Variants in KCNK13 observed in about 807,000 individuals in gnomAD.
KCNK13 encodes the protein potassium channel subfamily K member 13.
Under a neutral mutation model 23.4 loss-of-function variants are expected in KCNK13, and 12 were observed. The observed-to-expected ratio is 0.51, with a 90% confidence interval of 0.33 to 0.83. The LOEUF is 0.83. Among genes scored for constraint, KCNK13 ranks in the 40% least tolerant of loss-of-function variants. The pLI, the probability that KCNK13 is intolerant of heterozygous loss-of-function variation, is 0.02. For missense variants in KCNK13, 463 were observed against 556.3 expected (o/e 0.83, Z 1.69); for synonymous variants, 231 against 229.5 (o/e 1.01, Z -0.06).
chr14:90,169,286 A>T (rs544678693), intron 1 of KCNK13, among the ~76,000 whole-genome samples: 6 of 152,282 alleles, frequency 3.9e-5, no homozygotes, highest in African/African-American at 1.4e-4. Flanking sequence ...TCTGCAGGTG[A>T]CTCAGAAGAG....
chr14:90,171,387 T>C (rs1316183977), intron 1 of KCNK13, among the ~76,000 whole-genome samples: 2 of 152,266 alleles, frequency 1.3e-5, no homozygotes, highest in Non-Finnish European at 2.9e-5. Context: ...TATCCTTACC[T>C]TGATTTTCAT....
At chr14:90,131,621 A>G (rs1013535237) in intron 1 of KCNK13, among the ~76,000 whole-genome samples, 1 of 152,038 alleles carries the variant, frequency 6.6e-6, no homozygotes, top group African/African-American at 2.4e-5. Flanking sequence ...TTGACCTCCT[A>G]GGCTCAGATG....
chr14:90,101,071 G>A (rs1426469447), intron 1 of KCNK13, among the ~76,000 whole-genome samples: 3 of 152,120 alleles, frequency 2.0e-5, no homozygotes, highest in African/African-American at 4.8e-5. Context: ...ATGGAATTAT[G>A]TCATTCGAGG....
At position 90,091,973 on chromosome 14, in the gene KCNK13, C is replaced by T. The variant is rs184460201; in HGVS notation, c.334+29434C>T. 4.6e-3 allele frequency among the ~76,000 whole-genome samples: 691 copies of T among 148,988 alleles called. 1 individual carries two copies. The highest frequency in any genetic ancestry group is 0.016 in the African/African-American group (651 of 40,140). ...ACAGAGTCTCACTCTGTCCCCCAGG[C>T]TGGAGTGCAGCGATCTCAGCTCACT... On this transcript the variant is annotated intron_variant, in intron 1 of 1. Transcript: ENST00000282146.
intron 1 of KCNK13, among the ~76,000 whole-genome samples, chr14:90,123,259 A>T (rs1889759762): frequency 6.6e-6 from 1 of 152,134 alleles, no homozygotes. Flanking sequence ...TTGTTTTCCT[A>T]CAGTTCTGAA....
chr14:90,150,931 A>G (rs1370463526), intron 1 of KCNK13, among the ~76,000 whole-genome samples: 1 of 152,026 alleles, frequency 6.6e-6, no homozygotes, highest in African/African-American at 2.4e-5. Flanking sequence ...GTGAGCCAAG[A>G]TTGCGCCACT....
intron 1 of KCNK13, among the ~76,000 whole-genome samples, chr14:90,128,317 A>AAAC (rs1030765213): frequency 2.0e-5 from 3 of 152,192 alleles, no homozygotes; most frequent in Non-Finnish European, 2.9e-5. Context: ...TGTTTAAAAC[A>AAAC]AACAAACAAA....
intron 1 of KCNK13, among the ~76,000 whole-genome samples, chr14:90,080,159 A>G (rs928427396): frequency 2.0e-5 from 3 of 152,200 alleles, no homozygotes; most frequent in Non-Finnish European, 4.4e-5. Context: ...GAGACATTCA[A>G]TAAACAATTG....
intron 1 of KCNK13, among the ~76,000 whole-genome samples, chr14:90,066,611 T>C (rs950735323): frequency 2.0e-5 from 3 of 152,174 alleles, no homozygotes; most frequent in African/African-American, 7.2e-5. Context: ...GGATTATATG[T>C]AGGAGACATT....
intron 1 of KCNK13, among the ~76,000 whole-genome samples, chr14:90,124,809 G>A (rs1889777676): frequency 6.6e-6 from 1 of 152,232 alleles, no homozygotes; most frequent in Admixed American, 6.5e-5. Flanking sequence ...ATTTGTTGCA[G>A]CAGCAATAGA....
chr14:90,083,495 C>T (rs917816695), intron 1 of KCNK13, among the ~76,000 whole-genome samples: 21 of 152,122 alleles, frequency 1.4e-4, no homozygotes, highest in African/African-American at 5.1e-4. Context: ...TTGTTTCCTC[C>T]ACAACTCACA....
intron 1 of KCNK13, among the ~76,000 whole-genome samples, chr14:90,118,193 G>T (rs1344048874): frequency 6.6e-6 from 1 of 152,138 alleles, no homozygotes; most frequent in Non-Finnish European, 1.5e-5. Context: ...TACCCATCAT[G>T]CTTCTACATA....
intron 1 of KCNK13, among the ~76,000 whole-genome samples, chr14:90,073,577 C>T (rs1218778826): frequency 3.9e-5 from 6 of 152,190 alleles, no homozygotes; most frequent in Non-Finnish European, 8.8e-5. Context: ...CTGTGGTTTT[C>T]GAACTGTGCT....
At chr14:90,102,944 C>T (rs1566951944) in intron 1 of KCNK13, among the ~76,000 whole-genome samples, 1 of 152,174 alleles carries the variant, frequency 6.6e-6, no homozygotes, top group South Asian at 2.1e-4. Flanking sequence ...CATCCCTGCT[C>T]TAGTAGTCTG....
At chr14:90,105,687 G>C (rs1257416114) in intron 1 of KCNK13, among the ~76,000 whole-genome samples, 1 of 151,946 alleles carries the variant, frequency 6.6e-6, no homozygotes, top group Non-Finnish European at 1.5e-5. Context: ...TTTCTTGAAG[G>C]CCCTTGAATC....
intron 1 of KCNK13, among the ~76,000 whole-genome samples, chr14:90,099,226 A>C (rs1244678854): frequency 6.6e-6 from 1 of 152,196 alleles, no homozygotes; most frequent in Admixed American, 6.5e-5. Flanking sequence ...CTGCTTTCTC[A>C]GTCAGTCGAG....
intron 1 of KCNK13, among the ~76,000 whole-genome samples, chr14:90,173,579 C>T (rs1327382250): frequency 6.6e-6 from 1 of 152,110 alleles, no homozygotes; most frequent in Non-Finnish European, 1.5e-5. Context: ...CAGATATCCA[C>T]ACCAGGGTTT....
At chr14:90,065,637 C>T (rs1292830387) in intron 1 of KCNK13, among the ~76,000 whole-genome samples, 1 of 152,220 alleles carries the variant, frequency 6.6e-6, no homozygotes, top group Non-Finnish European at 1.5e-5. Context: ...GGGATGTTTA[C>T]ACAACCACAC....
At chr14:90,092,079 A>G (rs904034849) in intron 1 of KCNK13, among the ~76,000 whole-genome samples, 6 of 151,694 alleles carry the variant, frequency 4.0e-5, no homozygotes, top group Admixed American at 2.6e-4. Context: ...CCGCCACCAC[A>G]CCTGGCTAAT....
Sources: gnomAD v4.1 joint callset for allele counts (sites outside exome capture counted in the v4.1 genomes callset) on GRCh38, gnomAD v4.1.1 for gene constraint, MANE v1.5 for transcripts, NCBI Gene and HGNC (gene_info 2026-07-23, HGNC 2026-07-21) for gene names.